Variants in CIB4 observed in about 807,000 individuals in gnomAD.
The protein encoded by CIB4 is calcium and integrin-binding family member 4.
In CIB4, 25 loss-of-function variants were observed where a neutral mutation model predicts 25.8. The observed-to-expected ratio is 0.97, with a 90% CI of 0.71 to 1.35. The LOEUF (loss-of-function observed/expected upper bound fraction) is 1.35, where lower values mean the gene tolerates loss of function less well. Ranked by LOEUF, CIB4 falls within the 40% of genes most tolerant of loss-of-function variation. The pLI, the probability that CIB4 is intolerant of heterozygous loss-of-function variation, is 0.00. For synonymous variants in CIB4, 75 were observed against 81.4 expected (o/e 0.92, Z 0.42); for missense variants, 235 against 228.2 (o/e 1.03, Z -0.19).
chr2:26,617,878 G>C (rs564382642), intron 3 of CIB4, among the ~76,000 whole-genome samples: 50 of 152,298 alleles, frequency 3.3e-4, no homozygotes, highest in African/African-American at 1.2e-3. Flanking sequence ...CTCAGACATG[G>C]AGTTTCCTCT....
chr2:26,584,942 C>T (rs1480649408), intron 4 of CIB4, among the ~76,000 whole-genome samples: 1 of 152,162 alleles, frequency 6.6e-6, no homozygotes, highest in East Asian at 1.9e-4. Flanking sequence ...CAGGACAGCG[C>T]TCAGAAGTGC....
At chr2:26,631,896 G>A (rs1200080481) in intron 2 of CIB4, among the ~76,000 whole-genome samples, 2 of 152,208 alleles carry the variant, frequency 1.3e-5, no homozygotes, top group Non-Finnish European at 2.9e-5. Context: ...AGCTTCTGCA[G>A]CTCCAGCTCT....
At chr2:26,594,871 C>T (rs1668649611) in intron 4 of CIB4, among the ~76,000 whole-genome samples, 1 of 152,172 alleles carries the variant, frequency 6.6e-6, no homozygotes, top group Non-Finnish European at 1.5e-5. Context: ...AAGCATAAAT[C>T]CTTTACATGC....
In CIB4 at chr2:26,595,320, G is replaced by C. The variant is rs766956827; in HGVS notation, c.187-3C>G. The C allele has an allele frequency of 1.2e-6, 2 of 1,610,732 alleles. No homozygotes were observed. The highest frequency in any genetic ancestry group is 3.3e-5 in the Admixed American group (2 of 59,992). The stretch of plus-strand genomic sequence containing the variant: ...ATACGGTCTCTGAAAGGGTTGACCT[G>C]TGGGCGACAGGAGGAGCAGGGAGGA... On this transcript the variant is annotated splice_region_variant and splice_polypyrimidine_tract_variant and intron_variant, in intron 3 of 6. Transcript: ENST00000288861.
chr2:26,585,710 C>T (rs1211207890), intron 4 of CIB4, among the ~76,000 whole-genome samples: 1 of 152,046 alleles, frequency 6.6e-6, no homozygotes, highest in Non-Finnish European at 1.5e-5. Context: ...CTCATTGCAA[C>T]CTTTAAATAT....
chr2:26,593,399 T>C (rs188749626), intron 4 of CIB4, among the ~76,000 whole-genome samples: 4 of 146,372 alleles, frequency 2.7e-5, no homozygotes, highest in Admixed American at 2.0e-4. Context: ...CACACATATA[T>C]ACACACACAT....
At chr2:26,610,334 C>T (rs1383652214) in intron 3 of CIB4, among the ~76,000 whole-genome samples, 1 of 152,192 alleles carries the variant, frequency 6.6e-6, no homozygotes, top group Non-Finnish European at 1.5e-5. Context: ...GAAATGGACT[C>T]GCACTGCAGC....
At chr2:26,628,613 G>A (rs1000962805) in intron 3 of CIB4, among the ~76,000 whole-genome samples, 93 of 152,336 alleles carry the variant, frequency 6.1e-4, no homozygotes, top group African/African-American at 2.2e-3. Context: ...AATTGAGGGC[G>A]AGTTGAGGAG....
chr2:26,637,686 T>A (rs1237586108), intron 2 of CIB4, among the ~76,000 whole-genome samples: 1 of 152,170 alleles, frequency 6.6e-6, no homozygotes, highest in Non-Finnish European at 1.5e-5. Flanking sequence ...GGTCAAGGTG[T>A]ACTTCTCATT....
intron 2 of CIB4, among the ~76,000 whole-genome samples, chr2:26,638,596 C>T (rs897547217): frequency 6.6e-6 from 1 of 152,110 alleles, no homozygotes; most frequent in Non-Finnish European, 1.5e-5. Context: ...GGCCATGCCC[C>T]CTTGCTGAGA....
At chr2:26,640,101 C>T (rs1427839926) in intron 2 of CIB4, among the ~76,000 whole-genome samples, 1 of 106,740 alleles carries the variant, frequency 9.4e-6, no homozygotes, top group African/African-American at 3.6e-5. Context: ...GGAGAAAGGG[C>T]AGGGAGGGAG....
At chr2:26,599,025 T>G (rs1181874385) in intron 3 of CIB4, among the ~76,000 whole-genome samples, 2 of 152,178 alleles carry the variant, frequency 1.3e-5, no homozygotes, top group African/African-American at 4.8e-5. Flanking sequence ...TGCTATAACT[T>G]TAATAGTCTG....
Position 26,595,193 on chromosome 2 carries a change from T to C in CIB4, c.311A>G (p.Tyr104Cys), listed in dbSNP as rs901714630. The C allele has an allele frequency of 2.5e-6, 4 of 1,611,632 alleles. No homozygotes were observed. The highest frequency in any genetic ancestry group is 8.5e-7 in the Non-Finnish European group (1 of 1,177,916). The change falls in exon 4 of 7, where the codon TAT becomes TGT. Residue 104 changes from tyrosine (Y) to cysteine (C), a missense_variant. Physicochemically the swap from Tyr to Cys is radical, Grantham distance 194. Coordinates refer to ENST00000288861, the MANE Select transcript of CIB4 (RefSeq NM_001029881.3). ...EQACPSLKIE[Y>C]AFRIYDFNEN... ...GCACCTACCATAGATGCGAAAGGCA[T>C]ACTCAATCTTCAGGCTTGGGCAGGC... is the stretch of plus-strand genomic sequence containing the variant.
intron 4 of CIB4, among the ~76,000 whole-genome samples, chr2:26,589,910 G>T (rs1412502407): frequency 6.6e-6 from 1 of 152,126 alleles, no homozygotes. Flanking sequence ...CTGAAATGAA[G>T]ATGAGATGTC....
At chr2:26,617,376 G>A (rs1669114809) in intron 3 of CIB4, among the ~76,000 whole-genome samples, 1 of 152,174 alleles carries the variant, frequency 6.6e-6, no homozygotes, top group Non-Finnish European at 1.5e-5. Flanking sequence ...TTCTGGAGCT[G>A]GATGAAGGCA....
At chr2:26,622,718 CA>C (rs1373002380) in intron 3 of CIB4, among the ~76,000 whole-genome samples, 1 of 152,116 alleles carries the variant, frequency 6.6e-6, no homozygotes, top group Non-Finnish European at 1.5e-5. Flanking sequence ...TGAGGTGGCT[CA>C]CACCTGTAAT....
At chr2:26,601,229 AAAATATATATATATATATATATAT>A (rs1662776464) in intron 3 of CIB4, among the ~76,000 whole-genome samples, 1 of 25,366 alleles carries the variant, frequency 3.9e-5, no homozygotes, top group Admixed American at 7.1e-4. Flanking sequence ...AAAAAAAAAA[AAAATATATATATATATATATATAT>A]ATATATATAT....
chr2:26,632,919 T>C (rs541422659), intron 2 of CIB4, among the ~76,000 whole-genome samples: 3 of 152,052 alleles, frequency 2.0e-5, no homozygotes, highest in Admixed American at 2.0e-4. Flanking sequence ...CAAAAATTAA[T>C]GTTTTGGTTT....
chr2:26,589,064 TC>T lies in CIB4; in HGVS notation c.329-5167del, dbSNP rs1558554876. 6.8e-3 allele frequency among the ~76,000 whole-genome samples: 287 copies of T among 42,292 alleles called. 25 individuals carry two copies. The highest frequency in any genetic ancestry group is 0.014 in the Admixed American group (60 of 4,430). The allele number at this position is 42,292 out of a possible 152,430, so 27.7% of individuals were successfully genotyped here. A position where few individuals can be genotyped will look rare whatever the true frequency, so the allele number is the denominator to read the frequency against. On this transcript the variant is annotated intron_variant, in intron 4 of 6. Transcript: ENST00000288861. The stretch of plus-strand genomic sequence containing the variant: ...TTCTTCTTCTTCTTCTTCTTCCTCT[TC>T]CTCTTCCTCTTCTTCTTCTTCTTCT...
Sources: allele counts gnomAD v4.1 joint callset (sites outside exome capture counted in the v4.1 genomes callset), GRCh38; gene constraint gnomAD v4.1.1; transcripts MANE v1.5; gene names NCBI Gene and HGNC (gene_info 2026-07-23, HGNC 2026-07-21).